Variants in CCL24 observed in about 807,000 individuals in gnomAD.
The protein encoded by CCL24 is C-C motif chemokine 24.
CCL24 carries 6 observed loss-of-function variants against 8.6 expected under a neutral mutation model. The ratio of observed to expected loss-of-function variants is 0.70; its 90% CI spans 0.38 to 1.38. CCL24 has a LOEUF of 1.38. Among genes scored for constraint, CCL24 ranks in the 40% most tolerant of loss-of-function variants. CCL24 has a pLI of 0.02. For synonymous variants in CCL24, 59 were observed against 52.7 expected (o/e 1.12, Z -0.52); for missense variants, 126 against 147.1 (o/e 0.86, Z 0.74).
chr7:75,815,780 G>A (rs1472554671), upstream of CCL24, among the ~76,000 whole-genome samples: 4 of 152,134 alleles, frequency 2.6e-5, no homozygotes, highest in Non-Finnish European at 5.9e-5. Context: ...TGACTGCCAC[G>A]GAGGCTCTAC....
intron 1 of CCL24, among the ~76,000 whole-genome samples, chr7:75,820,844 C>T (rs1554535004): frequency 6.6e-6 from 1 of 151,632 alleles, no homozygotes. Context: ...TCCATCCATC[C>T]ATCCCTCCAC....
upstream of CCL24, among the ~76,000 whole-genome samples, chr7:75,814,660 G>A (rs150333038): frequency 9.2e-5 from 14 of 151,960 alleles, no homozygotes; most frequent in African/African-American, 2.4e-4. Flanking sequence ...ATCAGCTCTC[G>A]GTGGCCTTGA....
rs184353817 is a variant in CCL24 at position 75,819,722 on chromosome 7, C to A, written c.-60+3600G>T. Among the ~76,000 whole-genome samples, 779 of 152,046 alleles carry A rather than the reference C, an allele frequency of 5.1e-3. 7 individuals carry two copies. The highest frequency in any genetic ancestry group is 6.1e-3 in the Non-Finnish European group (414 of 68,010). On this transcript the variant is annotated intron_variant, in intron 1 of 3. Transcript: ENST00000416943. ...CTAATTAGGGTAAAAGTAGACCACA[C>A]ACACACACAAAGAAAGAAAGAAAAA...
chr7:75,820,079 C>T (rs1585031671), intron 1 of CCL24, among the ~76,000 whole-genome samples: 1 of 140,130 alleles, frequency 7.1e-6, no homozygotes, highest in South Asian at 2.5e-4. Flanking sequence ...TCTTCTTCTT[C>T]TTCTTCTTCC....
chr7:75,816,076 TG>T (rs1332892232), upstream of CCL24, among the ~76,000 whole-genome samples: 1 of 152,170 alleles, frequency 6.6e-6, no homozygotes, highest in Non-Finnish European at 1.5e-5. Flanking sequence ...GGTGGCCAGC[TG>T]GGTGTCTGCG....
intron 2 of CCL24, 83 bp from the exon 3 acceptor site, chr7:75,812,047 GC>G: frequency 8.6e-7 from 1 of 1,169,192 alleles, no homozygotes; most frequent in Non-Finnish European, 1.2e-6. Flanking sequence ...GGATGTGGAC[GC>G]CCAGAGACAG....
At chr7:75,815,033 A>C (rs2115787132), upstream of CCL24, among the ~76,000 whole-genome samples, 1 of 152,022 alleles carries the variant, frequency 6.6e-6, no homozygotes, top group African/African-American at 2.4e-5. Context: ...GGGTGGGAGG[A>C]AGGGAAACAT....
chr7:75,814,871 C>T (rs1803854723), upstream of CCL24, among the ~76,000 whole-genome samples: 1 of 151,934 alleles, frequency 6.6e-6, no homozygotes, highest in Non-Finnish European at 1.5e-5. Context: ...CTCTGTGCAG[C>T]CGGACTTTGC....
Position 75,811,592 on chromosome 7 carries a change from T to C in CCL24, c.*204A>G. ...CCCAGCTCCAGAAAGGCAAGGGGCC[T>C]TGGATGCTTGGAGCCATTGCTCAGC... On this transcript the variant is annotated 3_prime_UTR_variant, in exon 3 of 3. Coordinates refer to ENST00000222902, the MANE Select transcript of CCL24 (RefSeq NM_002991.3). The C allele has an allele frequency of 2.0e-6, 1 of 491,652 alleles. No homozygotes were observed. 30.5% of individuals were successfully genotyped at this position (491,652 alleles called of 1,614,324 possible). A position where few individuals can be genotyped will look rare whatever the true frequency, so the allele number is the denominator to read the frequency against.
Position 75,811,831 on chromosome 7 carries a change from C to T in CCL24, c.325G>A (p.Val109Ile). Residue 109 changes from valine (V) to isoleucine (I), a missense_variant, in exon 3 of 3, where the codon GTC becomes ATC. Val to Ile is a conservative substitution (Grantham distance 29). Coordinates refer to ENST00000222902, the MANE Select transcript of CCL24 (RefSeq NM_002991.3). ...GTTTGGTTGCCAGGATATCTCTGGA[C>T]AGGGCCCTTGACAGCCACTGCCCTG... ...RARAVAVKGPVQRYPGNQTTC is the reference protein window; with the variant it reads ...RARAVAVKGPIQRYPGNQTTC 1 of 1,613,576 alleles carries T rather than the reference C, an allele frequency of 6.2e-7. No homozygotes were observed. Among genetic ancestry groups the T allele is most frequent in the Non-Finnish European group, 8.5e-7 (1 of 1,179,962 alleles).
upstream of CCL24, among the ~76,000 whole-genome samples, chr7:75,815,577 G>A (rs1225886740): frequency 6.6e-6 from 1 of 152,186 alleles, no homozygotes; most frequent in Non-Finnish European, 1.5e-5. Flanking sequence ...CTGCACTGAG[G>A]TTGGAGGACA....
At chr7:75,820,148 C>T (rs376018373) in intron 1 of CCL24, among the ~76,000 whole-genome samples, 87 of 98,052 alleles carry the variant, frequency 8.9e-4, no homozygotes, top group Admixed American at 1.7e-3. Context: ...TCCTCCTCCT[C>T]CTCCTTCTCC....
At chr7:75,812,909 G>A (rs1554533589) in intron 2 of CCL24, among the ~76,000 whole-genome samples, 1 of 151,098 alleles carries the variant, frequency 6.6e-6, no homozygotes, top group African/African-American at 2.4e-5. Flanking sequence ...CAGCTTGGGT[G>A]ATAGAGACTC....
upstream of CCL24, among the ~76,000 whole-genome samples, chr7:75,818,602 C>T (rs551280822): frequency 7.0e-4 from 104 of 148,650 alleles, no homozygotes; most frequent in African/African-American, 2.3e-3. Context: ...ATGGCAAGAC[C>T]CGGACTCTTT....
chr7:75,820,961 A>ATCCATCCG (rs1459178429), intron 1 of CCL24, among the ~76,000 whole-genome samples: 1 of 151,464 alleles, frequency 6.6e-6, no homozygotes, highest in Non-Finnish European at 1.5e-5. Context: ...CCATCCATCC[A>ATCCATCCG]TCCCTCATCG....
chr7:75,813,598 C>T (rs1554533746), intron 1 of CCL24, 45 bp downstream of exon 1: 1 of 1,542,488 alleles, frequency 6.5e-7, no homozygotes, highest in Non-Finnish European at 9.0e-7. Flanking sequence ...CCCACTGTGC[C>T]ATCCCAGCCA....
rs1563350648 is a variant in CCL24 at position 75,813,441 on chromosome 7, G to GAGCCACGTAAGGAGAGAGAA, written c.74-19_74-18insTTCTCTCTCCTTACGTGGCT. 23 of 1,558,460 alleles carry GAGCCACGTAAGGAGAGAGAA rather than the reference G, an allele frequency of 1.5e-5. No homozygotes were observed. Among genetic ancestry groups the GAGCCACGTAAGGAGAGAGAA allele is most frequent in the Non-Finnish European group, 1.9e-5 (22 of 1,130,808 alleles). ...CACAGAGCCTAGAAGAGGAGAGAGAGAAGAGCCACGTCTTTTCCCAGCCTC... is the reference window on the plus strand; with the variant it reads ...CACAGAGCCTAGAAGAGGAGAGAGAGAGCCACGTAAGGAGAGAGAAAAGAGCCACGTCTTTTCCCAGCCTC... On this transcript the variant is annotated intron_variant, in intron 1 of 2. Transcript: ENST00000222902.
upstream of CCL24, among the ~76,000 whole-genome samples, chr7:75,815,797 T>A (rs1273324977): frequency 2.0e-5 from 3 of 152,120 alleles, no homozygotes; most frequent in Non-Finnish European, 4.4e-5. Context: ...CTACAGCCCT[T>A]TGTAATTATT....
chr7:75,817,113 AC>A (rs2115794522), upstream of CCL24, among the ~76,000 whole-genome samples: 1 of 151,820 alleles, frequency 6.6e-6, no homozygotes, highest in Admixed American at 6.6e-5. Flanking sequence ...CAATCCTCCC[AC>A]CTCGACCTCC....
Sources: allele counts gnomAD v4.1 joint callset (sites outside exome capture counted in the v4.1 genomes callset), GRCh38; gene constraint gnomAD v4.1.1; transcripts MANE v1.5; gene names NCBI Gene and HGNC (gene_info 2026-07-23, HGNC 2026-07-21).